Variants in FATE1 observed in about 807,000 individuals in gnomAD.
The protein encoded by FATE1 is fetal and adult testis expressed 1.
FATE1 carries 18 observed loss-of-function variants against 16.0 expected under a neutral mutation model. The observed-to-expected ratio is 1.12, with a 90% confidence interval of 0.78 to 1.66. The LOEUF (loss-of-function observed/expected upper bound fraction) is 1.66, where lower values mean the gene tolerates loss of function less well. Among genes scored for constraint, FATE1 ranks in the 40% most tolerant of loss-of-function variants. FATE1 has a pLI of 0.00. For missense variants in FATE1, 169 were observed against 152.7 expected, an observed-to-expected ratio of 1.11 and a Z score of -0.56; for synonymous variants, 76 against 56.9, an observed-to-expected ratio of 1.34 and a Z score of -1.51.
At chrX:151,722,547 C>A in intron 4 of FATE1, 81 bp from the exon 5 acceptor site, 1 of 1,187,043 alleles carries the variant, frequency 8.4e-7, no homozygotes, top group Non-Finnish European at 1.1e-6. Context: ...CTTGCTCTAA[C>A]TTTATGCTTT....
chrX:151,720,811 C>A (rs748005805), intron 2 of FATE1, among the ~76,000 whole-genome samples: 2 of 112,168 alleles, frequency 1.8e-5, no homozygotes, highest in East Asian at 5.7e-4. Flanking sequence ...TTCCTCTATC[C>A]CCCACTGATG....
Position 151,722,798 on chromosome X carries a change from T to C in FATE1, c.*39T>C. On this transcript the variant is annotated 3_prime_UTR_variant, in exon 5 of 5. Transcript: ENST00000370350. ...GCCTCCGTATTGGAGCCCTCCCTGCTTCCCCTTCTTTCTTTCCTCTTTCCC... is the reference window on the plus strand; with the variant it reads ...GCCTCCGTATTGGAGCCCTCCCTGCCTCCCCTTCTTTCTTTCCTCTTTCCC... 1 of 1,173,257 alleles carries C rather than the reference T, an allele frequency of 8.5e-7. No individual in the cohort carries two copies. Among genetic ancestry groups the C allele is most frequent in the Non-Finnish European group, 1.1e-6 (1 of 874,691 alleles).
At chrX:151,721,366 G>C in intron 2 of FATE1, 29 bp from the exon 3 acceptor site, 1 of 1,184,675 alleles carries the variant, frequency 8.4e-7, no homozygotes, top group Non-Finnish European at 1.1e-6. Context: ...GGTTGGGCAG[G>C]CTACTTTACT....
At chrX:151,717,441 T>A in intron 2 of FATE1, 42 bp downstream of exon 2, 2 of 1,170,073 alleles carry the variant, frequency 1.7e-6, no homozygotes, top group Non-Finnish European at 2.3e-6. Flanking sequence ...CAGGTTGGGG[T>A]TGGGAGTACT....
In FATE1 at chrX:151,722,672, C is replaced by G. The variant is rs1218459241; in HGVS notation, c.465C>G (p.Gly155=). 2 of 1,211,779 alleles carry G rather than the reference C, an allele frequency of 1.7e-6. No homozygotes were observed. Among genetic ancestry groups the G allele is most frequent in the Non-Finnish European group, 1.1e-6 (1 of 895,212 alleles). The part of the protein sequence containing the change: ...NRRLRALEEQ[G]ATWRHRETLI... ...GTCTGCGCGCCCTGGAGGAACAGGG[C>G]GCCACCTGGCGCCACAGGGAGACCC... Residue 155 remains glycine (G), a synonymous_variant, in exon 5 of 5, where the codon GGC becomes GGG. Transcript: ENST00000370350.
chrX:151,717,786 T>G (rs949062985), intron 2 of FATE1, among the ~76,000 whole-genome samples: 5 of 111,683 alleles, frequency 4.5e-5, no homozygotes, highest in African/African-American at 1.6e-4. Context: ...TTCTGGCTGT[T>G]AAGAAATCCA....
At chrX:151,717,429 GC>G in intron 2 of FATE1, 30 bp downstream of exon 2, 2 of 1,183,773 alleles carry the variant, frequency 1.7e-6, no homozygotes, top group Non-Finnish European at 2.3e-6. Flanking sequence ...GCACTTGGTG[GC>G]CAGGTTGGGG....
chrX:151,716,245 C>T lies in FATE1; in HGVS notation c.106+20C>T, dbSNP rs199945454. ...TAGCAGGTGAGGATCCCCTAAAATA[C>T]CCCTAGGCTACAGCCAACTGTGTAG... On this transcript the variant is annotated intron_variant, in intron 1 of 4. Transcript: ENST00000370350. 1 of 1,133,126 alleles carries T rather than the reference C, an allele frequency of 8.8e-7. No individual in the cohort carries two copies. Among genetic ancestry groups the T allele is most frequent in the African/African-American group, 1.8e-5 (1 of 55,332 alleles). 93.4% of individuals were successfully genotyped at this position (1,133,126 alleles called of 1,213,427 possible).
At chrX:151,720,123 A>G (rs1193745202) in intron 2 of FATE1, among the ~76,000 whole-genome samples, 1 of 111,681 alleles carries the variant, frequency 9.0e-6, no homozygotes. Context: ...ACCAGGAGTG[A>G]GAAGTGTGGA....
At chrX:151,717,717 C>CGT (rs59141256) in intron 2 of FATE1, among the ~76,000 whole-genome samples, 1,636 of 109,247 alleles carry the variant, frequency 0.015, 20 homozygotes, top group African/African-American at 0.049. Context: ...GTGTGTGGTA[C>CGT]GTGTGTGTGT....
rs1399796942 is a variant in FATE1, at chrX:151,723,077, G to C, written c.*318G>C. On this transcript the variant is annotated 3_prime_UTR_variant, in exon 5 of 5. Transcript: ENST00000370350. ...CCTTCCTGACCTCAGCGGCCCTTCT[G>C]TTCCATCCTCTGTGGGCAGGGGTGT... The C allele has an allele frequency of 8.3e-6, 2 of 239,703 alleles. No homozygotes were observed. Among genetic ancestry groups the C allele is most frequent in the Non-Finnish European group, 1.5e-5 (2 of 135,041 alleles). The allele number at this position is 239,703 out of a possible 1,213,427, so 19.8% of individuals were successfully genotyped here.
intron 2 of FATE1, among the ~76,000 whole-genome samples, chrX:151,720,196 G>T (rs1016901637): frequency 3.6e-5 from 4 of 111,163 alleles, no homozygotes; most frequent in African/African-American, 1.3e-4. Flanking sequence ...CTCCTTTCTT[G>T]TGATATGCCG....
At chrX:151,717,471 T>G in intron 2 of FATE1, 72 bp downstream of exon 2, 1 of 1,094,766 alleles carries the variant, frequency 9.1e-7, no homozygotes, top group African/African-American at 1.8e-5. Flanking sequence ...GGCTCTAGCC[T>G]GACCAGGTCA....
intron 4 of FATE1, 130 bp downstream of exon 4, chrX:151,722,111 C>T: frequency 1.8e-6 from 1 of 541,282 alleles, no homozygotes. Context: ...GGGCAGATTC[C>T]CTTCCTCTTC....
chrX:151,722,110 C>T, intron 4 of FATE1, 129 bp downstream of exon 4: 1 of 562,508 alleles, frequency 1.8e-6, no homozygotes, highest in Non-Finnish European at 2.9e-6. Flanking sequence ...GGGGCAGATT[C>T]CCTTCCTCTT....
intron 1 of FATE1, among the ~76,000 whole-genome samples, chrX:151,716,593 A>T (rs1602997189): frequency 1.8e-5 from 2 of 111,761 alleles, no homozygotes; most frequent in African/African-American, 6.5e-5. Flanking sequence ...GGAAAATCCA[A>T]ATTCCATGAT....
At position 151,722,629 on chromosome X, in the gene FATE1, T is replaced by C; in HGVS notation, c.422T>C (p.Leu141Pro). The C allele has an allele frequency of 8.3e-7, 1 of 1,211,384 alleles. No individual in the cohort carries two copies. Among genetic ancestry groups the C allele is most frequent in the Admixed American group, 2.2e-5 (1 of 46,098 alleles). Residue 141 changes from leucine (L) to proline (P), a missense_variant and splice_region_variant, in exon 5 of 5, where the codon CTG becomes CCG. Physicochemically the swap from Leu to Pro is moderately conservative, Grantham distance 98. Transcript: ENST00000370350. ...VLEMEVMRRQ[L>P]YAVNRRLRAL... is the part of the protein sequence containing the mutation. ...GCCCTGCCTTTGACTCCTCTGCAGC[T>C]GTATGCAGTCAACCGGCGTCTGCGC...
chrX:151,718,485 T>C (rs2015086440), intron 2 of FATE1, among the ~76,000 whole-genome samples: 1 of 112,278 alleles, frequency 8.9e-6, no homozygotes, highest in South Asian at 3.7e-4. Flanking sequence ...GCTAGCTACA[T>C]TCACTGTAGG....
intron 2 of FATE1, 47 bp downstream of exon 2, chrX:151,717,446 A>C (rs2015071231): frequency 3.4e-6 from 4 of 1,167,776 alleles, no homozygotes; most frequent in Non-Finnish European, 4.6e-6. Context: ...TGGGGTTGGG[A>C]GTACTGGTTG....
Sources: allele counts gnomAD v4.1 joint callset (sites outside exome capture counted in the v4.1 genomes callset), GRCh38; gene constraint gnomAD v4.1.1; transcripts MANE v1.5; gene names NCBI Gene and HGNC (gene_info 2026-07-23, HGNC 2026-07-21).